COL11A1: variants seen among roughly 807,000 people sequenced by gnomAD.
COL11A1 encodes the protein collagen type XI alpha 1 chain.
In COL11A1, 74 loss-of-function variants were observed where a neutral mutation model predicts 265.2. The observed-to-expected ratio is 0.28, with a 90% CI of 0.23 to 0.34. COL11A1 has a LOEUF of 0.34. Among genes scored for constraint, COL11A1 ranks in the 10% least tolerant of loss-of-function variants. The probability of loss-of-function intolerance (pLI) is 1.00; values close to 1 mark genes in which losing one functional copy is unlikely to be tolerated. For synonymous variants in COL11A1, 816 were observed against 727.6 expected (o/e 1.12, Z -1.96); for missense variants, 2,165 against 2,263.6 (o/e 0.96, Z 0.88).
chr1:102,999,528 A>C (rs1003505799), intron 24 of COL11A1, among the ~76,000 whole-genome samples: 1 of 151,890 alleles, frequency 6.6e-6, no homozygotes, highest in South Asian at 2.1e-4. Context: ...GGAAATATTT[A>C]GGAGATATCA....
Position 102,998,380 on chromosome 1 carries a change from A to C in COL11A1, c.2143-17T>G. On this transcript the variant is annotated splice_polypyrimidine_tract_variant and intron_variant, in intron 24 of 66. Transcript: ENST00000370096. ...TTGTGGTCCCTTATAGAGAAAAAAA[A>C]AATATTAAAAAGATAAAAATAATTT... 6.5e-7 allele frequency: 1 copy of C among 1,529,524 alleles called. No individual in the cohort carries two copies. Among genetic ancestry groups the C allele is most frequent in the African/African-American group, 1.4e-5 (1 of 71,066 alleles). 94.7% of individuals were successfully genotyped at this position (1,529,524 alleles called of 1,614,324 possible).
intron 1 of COL11A1, among the ~76,000 whole-genome samples, chr1:103,085,182 G>A (rs550125423): frequency 3.3e-5 from 5 of 152,098 alleles, no homozygotes; most frequent in African/African-American, 7.2e-5. Context: ...TTTATTATGT[G>A]CATTTGGATA....
chr1:102,920,459 G>C, intron 48 of COL11A1, 95 bp from the exon 49 acceptor site: 1 of 1,007,414 alleles, frequency 9.9e-7, no homozygotes, highest in African/African-American at 1.6e-5. Context: ...AAGAGAAATA[G>C]ATGCATGAGT....
chr1:103,041,559 T>A (rs577353515), intron 4 of COL11A1, among the ~76,000 whole-genome samples: 1 of 152,098 alleles, frequency 6.6e-6, no homozygotes, highest in Non-Finnish European at 1.5e-5. Context: ...CAATCCTCTA[T>A]AACAATGAAT....
At chr1:102,980,481 A>T (rs1232561238) in intron 31 of COL11A1, among the ~76,000 whole-genome samples, 1 of 152,130 alleles carries the variant, frequency 6.6e-6, no homozygotes, top group Non-Finnish European at 1.5e-5. Context: ...GTTAATTATG[A>T]GACCCTGAAA....
chr1:102,896,782 C>A (rs1243254911), intron 57 of COL11A1, among the ~76,000 whole-genome samples: 4 of 152,144 alleles, frequency 2.6e-5, no homozygotes, highest in African/African-American at 9.7e-5. Flanking sequence ...CTTTTTATTT[C>A]ATCTGCAGAA....
At chr1:103,058,032 T>C (rs1670374401) in intron 4 of COL11A1, among the ~76,000 whole-genome samples, 1 of 152,218 alleles carries the variant, frequency 6.6e-6, no homozygotes, top group South Asian at 2.1e-4. Flanking sequence ...AGATGGTATC[T>C]TCTTCCAACA....
chr1:102,980,172 A>T (rs1394668303), intron 31 of COL11A1, among the ~76,000 whole-genome samples: 1 of 152,110 alleles, frequency 6.6e-6, no homozygotes, highest in East Asian at 1.9e-4. Flanking sequence ...CACACCTTAC[A>T]GGTAATTTGA....
chr1:102,879,657 G>A, intron 66 of COL11A1, 26 bp downstream of exon 66: 1 of 1,594,970 alleles, frequency 6.3e-7, no homozygotes, highest in Admixed American at 1.7e-5. Flanking sequence ...TCTCTGTGAA[G>A]GGAGACAAGC....
chr1:103,006,446 T>C, intron 15 of COL11A1, 131 bp from the exon 16 acceptor site: 1 of 528,246 alleles, frequency 1.9e-6, no homozygotes, highest in South Asian at 5.0e-5. Flanking sequence ...ACAAGAAAAT[T>C]ATTTCCATGT....
At chr1:103,089,569 C>T (rs1427447782) in intron 1 of COL11A1, among the ~76,000 whole-genome samples, 1 of 152,200 alleles carries the variant, frequency 6.6e-6, no homozygotes, top group Non-Finnish European at 1.5e-5. Flanking sequence ...CCTTGATACA[C>T]TGTAAACCCT....
intron 36 of COL11A1, 25 bp from the exon 37 acceptor site, chr1:102,970,297 A>G (rs1456666058): frequency 1.3e-6 from 2 of 1,565,444 alleles, no homozygotes; most frequent in Non-Finnish European, 1.8e-6. Context: ...ATTAAATACC[A>G]CATGTCATAA....
At chr1:103,097,707 A>C (rs1673894921) in intron 1 of COL11A1, among the ~76,000 whole-genome samples, 1 of 151,992 alleles carries the variant, frequency 6.6e-6, no homozygotes, top group South Asian at 2.1e-4. Context: ...CAATGAAATG[A>C]ATGAATTAGT....
chr1:102,938,276 T>C (rs72983794), intron 44 of COL11A1, among the ~76,000 whole-genome samples: 2,953 of 151,916 alleles, frequency 0.019, 99 homozygotes, highest in African/African-American at 0.068. Context: ...CTGGGGATAA[T>C]GTATAAACTT....
chr1:102,939,878 A>T (rs1274940397), intron 43 of COL11A1, among the ~76,000 whole-genome samples: 1 of 152,158 alleles, frequency 6.6e-6, no homozygotes, highest in Non-Finnish European at 1.5e-5. Context: ...ACAGCCATAC[A>T]TTTGGAATTA....
chr1:103,106,757 C>T (rs1413426450), intron 1 of COL11A1, among the ~76,000 whole-genome samples: 1 of 152,112 alleles, frequency 6.6e-6, no homozygotes, highest in Non-Finnish European at 1.5e-5. Context: ...GCGCTGCCTG[C>T]TACTCGGGAA....
Position 103,039,291 on chromosome 1 carries a change from A to AT in COL11A1, c.652-8048dup, listed in dbSNP as rs1472721875. ...TTCTTTCTGTAGCAATCTTATACCTATTTTTTTCATTGTTTATCAAGAACA... is the reference window on the plus strand; with the variant it reads ...TTCTTTCTGTAGCAATCTTATACCTATTTTTTTTCATTGTTTATCAAGAACA... On this transcript the variant is annotated intron_variant, in intron 4 of 66. Transcript: ENST00000370096. Among the ~76,000 whole-genome samples the AT allele has an allele frequency of 2.6e-5, 4 of 152,052 alleles. No individual in the cohort carries two copies. The East Asian group carries it at 7.7e-4, about 29-fold the overall frequency.
chr1:102,938,760 C>A lies in COL11A1; in HGVS notation c.3438+275G>T, dbSNP rs57009972. 0.03 allele frequency among the ~76,000 whole-genome samples: 4,535 copies of A among 152,106 alleles called. 257 individuals carry two copies. The highest frequency in any genetic ancestry group is 0.1 in the African/African-American group (4,312 of 41,502). ...ATATGTATACAAAATTTCTCATAAT[C>A]ATACAAAAAAGACTATTTCATTATG... On this transcript the variant is annotated intron_variant, in intron 44 of 66. Transcript: ENST00000370096.
In COL11A1 at chr1:103,010,130, T is replaced by C. The variant is rs998762452; in HGVS notation, c.1630-1614A>G. Among the ~76,000 whole-genome samples, 3 of 152,314 alleles carry C rather than the reference T, an allele frequency of 2.0e-5. No individual in the cohort carries two copies. The South Asian group carries it at 6.2e-4, about 32-fold the overall frequency. ...TTTTCTACACTTCCTGAATGTTTTA[T>C]GATACAGTCCTCCATTTGTCTATAA... is the stretch of plus-strand genomic sequence containing the variant. On this transcript the variant is annotated intron_variant, in intron 14 of 66. Transcript: ENST00000370096.
Sources: allele counts gnomAD v4.1 joint callset (sites outside exome capture counted in the v4.1 genomes callset), GRCh38; gene constraint gnomAD v4.1.1; transcripts MANE v1.5; gene names NCBI Gene and HGNC (gene_info 2026-07-23, HGNC 2026-07-21).